TMCO4: variants seen among roughly 807,000 people sequenced by gnomAD.
TMCO4 encodes transmembrane and coiled-coil domains 4, also known as transmembrane and coiled-coil domain-containing protein 4.
A neutral mutation model predicts 64.7 loss-of-function variants in TMCO4; 58 were observed. The ratio of observed to expected loss-of-function variants is 0.90; its 90% confidence interval spans 0.73 to 1.12. The LOEUF (loss-of-function observed/expected upper bound fraction) is 1.12, where lower values mean the gene tolerates loss of function less well. Among genes scored for constraint, TMCO4 ranks in the 50% most tolerant of loss-of-function variants. The probability of loss-of-function intolerance (pLI) is 0.00; values close to 1 mark genes in which losing one functional copy is unlikely to be tolerated. For synonymous variants in TMCO4, 325 were observed against 346.1 expected (o/e 0.94, Z 0.68); for missense variants, 780 against 825.9 (o/e 0.94, Z 0.68).
chr1:19,755,835 A>G (rs2042230820), intron 6 of TMCO4, 69 bp from the exon 7 acceptor site: 1 of 1,583,670 alleles, frequency 6.3e-7, no homozygotes, highest in Non-Finnish European at 8.6e-7. Flanking sequence ...TTAGCAGTGT[A>G]ACTGATAAAA....
intron 13 of TMCO4, among the ~76,000 whole-genome samples, chr1:19,710,502 A>C (rs1345345327): frequency 2.0e-5 from 3 of 152,086 alleles, no homozygotes; most frequent in Non-Finnish European, 2.9e-5. Context: ...TTCATACATC[A>C]ATTAATTTCC....
At chr1:19,794,664 T>C (rs1463274518) in intron 2 of TMCO4, among the ~76,000 whole-genome samples, 1 of 152,222 alleles carries the variant, frequency 6.6e-6, no homozygotes, top group East Asian at 1.9e-4. Flanking sequence ...TGCAAAATAA[T>C]TGAAAGCTGG....
At chr1:19,751,047 G>C (rs1299791307) in intron 7 of TMCO4, among the ~76,000 whole-genome samples, 1 of 152,154 alleles carries the variant, frequency 6.6e-6, no homozygotes, top group Non-Finnish European at 1.5e-5. Flanking sequence ...CCTCCTCCAG[G>C]GATTCTGCTG....
At position 19,683,343 on chromosome 1, in the gene TMCO4, G is replaced by A. The variant is rs769862093; in HGVS notation, c.1602C>T (p.Ala534=). Residue 534 remains alanine, a synonymous_variant, in exon 16 of 16, where the codon GCC becomes GCT. Transcript: ENST00000294543. ...GCTCCTCGGAGGGCAGGCAGCCTGG[G>A]GCCAGCAAGAGCCCCTTCTCGTCCC... ...PGWDEKGLLL[A]PGCLPSEEPR... The A allele has an allele frequency of 1.9e-6, 3 of 1,613,994 alleles. No individual in the cohort carries two copies. Among genetic ancestry groups the A allele is most frequent in the African/African-American group, 1.3e-5 (1 of 75,072 alleles).
At chr1:19,768,263 G>A (rs188390198) in intron 6 of TMCO4, among the ~76,000 whole-genome samples, 2 of 152,242 alleles carry the variant, frequency 1.3e-5, no homozygotes, top group South Asian at 2.1e-4. Context: ...GGCACATGGC[G>A]GCTTTGCCAT....
chr1:19,706,280 T>A (rs894444034), intron 13 of TMCO4, among the ~76,000 whole-genome samples: 1 of 152,130 alleles, frequency 6.6e-6, no homozygotes, highest in Non-Finnish European at 1.5e-5. Context: ...GTGGATTCAG[T>A]GTAGAATGCC....
chr1:19,737,449 C>A lies in TMCO4; in HGVS notation c.1187G>T (p.Arg396Leu). 6.2e-7 allele frequency: 1 copy of A among 1,613,950 alleles called. No homozygotes were observed. The highest frequency in any genetic ancestry group is 8.5e-7 in the Non-Finnish European group (1 of 1,179,948). Residue 396 changes from arginine to leucine, a missense_variant, in exon 13 of 16, where the codon CGA becomes CTA. Physicochemically the swap from Arg to Leu is moderately radical, Grantham distance 102. Transcript: ENST00000294543. ...GCTGAAGCCAATCAAGGTGACAGGT[C>A]GTCGCCCCTGAAGGGAAAAAGGACA... Reference protein sequence around the residue: ...HILLSRQQGRRPVTLIGFSLG... With the variant: ...HILLSRQQGRLPVTLIGFSLG...
chr1:19,750,106 T>C (rs2041961434), intron 7 of TMCO4: 1 of 152,238 alleles, frequency 6.6e-6, no homozygotes, highest in South Asian at 2.1e-4. Context: ...TTTATTGCTA[T>C]TATCACTCTT....
chr1:19,755,790 G>T lies in TMCO4; in HGVS notation c.383-24C>A, dbSNP rs78151532. On this transcript the variant is annotated intron_variant, in intron 6 of 15. Transcript: ENST00000294543. Reference sequence around the variant, plus strand: ...CCCTCGAAAGACAGAAACAACACCGGAAAAGAATCAGTTTAGGTTTTAAGA... The same window carrying T: ...CCCTCGAAAGACAGAAACAACACCGTAAAAGAATCAGTTTAGGTTTTAAGA... 2,452 of 1,613,560 alleles carry T rather than the reference G, an allele frequency of 1.5e-3. 35 individuals are homozygous for T. In the African/African-American group the frequency reaches 0.03, roughly 19 times the overall value.
chr1:19,791,968 A>G (rs116576597), intron 2 of TMCO4, among the ~76,000 whole-genome samples: 4,562 of 152,228 alleles, frequency 0.03, 226 homozygotes, highest in African/African-American at 0.1. Context: ...TTCCTGTGCT[A>G]TTCTCGTGAG....
Position 19,746,499 on chromosome 1 carries a change from G to T in TMCO4, c.714C>A (p.Ala238=). 1 of 1,612,708 alleles carries T rather than the reference G, an allele frequency of 6.2e-7. No homozygotes were observed. The highest frequency in any genetic ancestry group is 8.5e-7 in the Non-Finnish European group (1 of 1,179,464). ...CTGCACCAAACAGCGAGGTCATGAT[G>T]GCTATGCCGGCTGCTGAGCCCAGAG... ...AAALGSAAGI[A]IMTSLFGAAG... The change falls in exon 9 of 16, where the codon GCC becomes GCA. Residue 238 remains alanine, a synonymous_variant. Coordinates refer to ENST00000294543, the MANE Select transcript of TMCO4 (RefSeq NM_181719.7).
At position 19,682,571 on chromosome 1, in the gene TMCO4, C is replaced by T. The variant is rs1183530476; in HGVS notation, c.*469G>A. The stretch of plus-strand genomic sequence containing the variant: ...GCTCTGTTGCTGCCAGTTGATGGTG[C>T]CTGTCAGCTGGTGGGCAGCCCTGGA... On this transcript the variant is annotated 3_prime_UTR_variant, in exon 16 of 16. Transcript: ENST00000294543. 7.0e-6 allele frequency: 5 copies of T among 714,986 alleles called. No individual in the cohort carries two copies. The highest frequency in any genetic ancestry group is 1.3e-5 in the Non-Finnish European group (5 of 383,534). 44.3% of individuals were successfully genotyped at this position (714,986 alleles called of 1,614,324 possible). A position where few individuals can be genotyped will look rare whatever the true frequency, so the allele number is the denominator to read the frequency against.
chr1:19,704,650 G>A (rs1471840775), intron 13 of TMCO4, among the ~76,000 whole-genome samples: 1 of 152,246 alleles, frequency 6.6e-6, no homozygotes, highest in Admixed American at 6.5e-5. Context: ...GCCTGGCAGA[G>A]TCTGCCCTGC....
At chr1:19,749,569 C>A (rs868234851) in intron 7 of TMCO4, among the ~76,000 whole-genome samples, 2 of 152,060 alleles carry the variant, frequency 1.3e-5, no homozygotes, top group Non-Finnish European at 2.9e-5. Context: ...GGTTTTGCCA[C>A]GTTGCCCAGG....
At chr1:19,730,472 T>C (rs915001773) in intron 13 of TMCO4, among the ~76,000 whole-genome samples, 3 of 152,264 alleles carry the variant, frequency 2.0e-5, no homozygotes, top group African/African-American at 7.2e-5. Context: ...TTCCATTTAC[T>C]TCTAGAGCAT....
intron 14 of TMCO4, among the ~76,000 whole-genome samples, chr1:19,699,826 A>G (rs1261040814): frequency 6.6e-6 from 1 of 152,246 alleles, no homozygotes; most frequent in Admixed American, 6.5e-5. Context: ...ACACATGTAC[A>G]CATGGACAAT....
Position 19,713,912 on chromosome 1 carries a change from C to T in TMCO4, c.1265-13027G>A, listed in dbSNP as rs185752596. ...CTCCATGATGCATTGTGGTTAATTT[C>T]TTCAAATCAATCTTCCAGTTCATTA... On this transcript the variant is annotated intron_variant, in intron 13 of 15. Coordinates refer to ENST00000294543, the MANE Select transcript of TMCO4 (RefSeq NM_181719.7). 2.6e-5 allele frequency among the ~76,000 whole-genome samples: 4 copies of T among 151,934 alleles called. No homozygotes were observed. The East Asian group carries it at 7.7e-4, about 29-fold the overall frequency.
intron 14 of TMCO4, 71 bp downstream of exon 14, chr1:19,700,697 C>G: frequency 7.4e-7 from 1 of 1,342,786 alleles, no homozygotes; most frequent in South Asian, 1.2e-5. Context: ...GTGTCCCCAA[C>G]ACAGAGCCTG....
At chr1:19,784,922 G>A (rs938330308) in intron 3 of TMCO4, among the ~76,000 whole-genome samples, 5 of 151,932 alleles carry the variant, frequency 3.3e-5, no homozygotes, top group Non-Finnish European at 7.4e-5. Flanking sequence ...TTTGTGTTGG[G>A]CCGCATTCAA....
Sources: gnomAD v4.1 joint callset for allele counts (sites outside exome capture counted in the v4.1 genomes callset) on GRCh38, gnomAD v4.1.1 for gene constraint, MANE v1.5 for transcripts, NCBI Gene and HGNC (gene_info 2026-07-23, HGNC 2026-07-21) for gene names.